The following FAT2 variants were observed in gnomAD, a reference collection of about 807,000 sequenced individuals.
FAT2 encodes the protein protocadherin Fat 2.
A neutral mutation model predicts 295.3 loss-of-function variants in FAT2; 150 were observed. That is an observed-to-expected ratio of 0.51 (90% confidence interval 0.44 to 0.58). The LOEUF is 0.58. Among genes scored for constraint, FAT2 ranks in the 20% least tolerant of loss-of-function variants. FAT2 has a pLI of 0.00. For synonymous variants in FAT2, 2,026 were observed against 2,150.3 expected (o/e 0.94, Z 1.60); for missense variants, 4,868 against 5,442.7 (o/e 0.89, Z 3.32).
chr5:151,558,348 G>T (rs1420811780), intron 3 of FAT2, among the ~76,000 whole-genome samples: 1 of 152,094 alleles, frequency 6.6e-6, no homozygotes, highest in Non-Finnish European at 1.5e-5. Flanking sequence ...GGGCACGGTG[G>T]CTCACACCTG....
chr5:151,511,934 TC>T, intron 21 of FAT2: 3 of 560,616 alleles, frequency 5.4e-6, no homozygotes, highest in Non-Finnish European at 9.6e-6. Context: ...CCCATTCATA[TC>T]CTCCCTCATC....
chr5:151,560,027 T>C (rs1029655622), intron 3 of FAT2, among the ~76,000 whole-genome samples: 3 of 152,168 alleles, frequency 2.0e-5, no homozygotes, highest in Non-Finnish European at 4.4e-5. Context: ...CTCAGACCCA[T>C]ATATGACCTT....
chr5:151,525,804 G>A lies in FAT2; in HGVS notation c.10470C>T (p.Ser3490=), dbSNP rs892151156. The change falls in exon 18 of 24, where the codon AGC becomes AGT. Residue 3490 remains serine, a synonymous_variant. Coordinates refer to ENST00000261800, the MANE Select transcript of FAT2 (RefSeq NM_001447.3). The part of the protein sequence containing the change: ...DGWLVTAEGL[S]RRAQEWYQLQ... ...GCTGATACCATTCCTGAGCCCTCCT[G>A]CTTAGGCCCTCAGCAGTCACCAGCC... 2 of 1,614,132 alleles carry A rather than the reference G, an allele frequency of 1.2e-6. No homozygotes were observed. Among genetic ancestry groups the A allele is most frequent in the Admixed American group, 3.3e-5 (2 of 60,012 alleles).
chr5:151,539,806 A>T (rs1755915114), intron 11 of FAT2, among the ~76,000 whole-genome samples: 1 of 152,218 alleles, frequency 6.6e-6, no homozygotes, highest in African/African-American at 2.4e-5. Flanking sequence ...ACACACATAC[A>T]CACCCCACTC....
chr5:151,538,774 T>G (rs1377289672), intron 11 of FAT2, among the ~76,000 whole-genome samples: 4 of 152,126 alleles, frequency 2.6e-5, no homozygotes, highest in African/African-American at 9.7e-5. Flanking sequence ...TCCTCCCAAA[T>G]TCAAACCATC....
chr5:151,551,976 GGTGTGTGTGTGTGT>G (rs56267278), intron 6 of FAT2, among the ~76,000 whole-genome samples: 6 of 143,558 alleles, frequency 4.2e-5, no homozygotes, highest in Admixed American at 7.0e-5. Flanking sequence ...TAACCCTAAG[GGTGTGTGTGTGTGT>G]GTGTGTGTGT....
At chr5:151,593,964 C>G (rs1414909991), upstream of FAT2, among the ~76,000 whole-genome samples, 1 of 152,148 alleles carries the variant, frequency 6.6e-6, no homozygotes, top group African/African-American at 2.4e-5. Flanking sequence ...GATCACGCCA[C>G]TGCACTCTAG....
chr5:151,566,155 A>C lies in FAT2; in HGVS notation c.2777T>G (p.Ile926Ser). ...EDVNDNSPQC[I>S]TEHNRLKVPE... is the part of the protein sequence containing the mutation. ...AACCTTCAGCCTGTTGTGTTCTGTG[A>C]TGCACTGGGGAGAGTTGTCGTTGAC... Residue 926 changes from isoleucine to serine, a missense_variant, in exon 2 of 24, where the codon ATC becomes AGC. This residue lies in a region of FAT2 where 3,297 missense variants were observed against 3,669.4 expected (regional missense o/e 0.90). Coordinates refer to ENST00000261800, the MANE Select transcript of FAT2 (RefSeq NM_001447.3). The C allele has an allele frequency of 6.2e-7, 1 of 1,614,084 alleles. No homozygotes were observed. Among genetic ancestry groups the C allele is most frequent in the Non-Finnish European group, 8.5e-7 (1 of 1,180,006 alleles).
chr5:151,567,506 T>C lies in FAT2; in HGVS notation c.1426A>G (p.Ser476Gly), dbSNP rs764153661. 4 of 1,614,160 alleles carry C rather than the reference T, an allele frequency of 2.5e-6. No homozygotes were observed. The highest frequency in any genetic ancestry group is 3.4e-6 in the Non-Finnish European group (4 of 1,180,016). Residue 476 changes from serine (S) to glycine (G), a missense_variant, in exon 2 of 24, where the codon AGT becomes GGT. Physicochemically the swap from Ser to Gly is moderately conservative, Grantham distance 56. Coordinates refer to ENST00000261800, the MANE Select transcript of FAT2 (RefSeq NM_001447.3). Reference protein sequence around the residue: ...TLDENIPPGTSVLAVTATDRD... With the variant: ...TLDENIPPGTGVLAVTATDRD... ...TCAGTGGCAGTCACAGCCAAAACAC[T>C]GGTGCCTGGAGGGATGTTCTCATCC... is the stretch of plus-strand genomic sequence containing the variant.
intron 1 of FAT2, among the ~76,000 whole-genome samples, chr5:151,583,961 G>A (rs1759064439): frequency 8.4e-6 from 1 of 119,654 alleles, no homozygotes; most frequent in Non-Finnish European, 1.6e-5. Flanking sequence ...TTGCACCACT[G>A]CACTCCAGCC....
intron 3 of FAT2, among the ~76,000 whole-genome samples, chr5:151,560,632 C>T (rs1224766255): frequency 6.6e-6 from 1 of 152,210 alleles, no homozygotes; most frequent in Non-Finnish European, 1.5e-5. Flanking sequence ...ACTGTATCTA[C>T]ACATAGTTTA....
rs1561848741 is a variant in FAT2, at chr5:151,542,764, C to T, written c.8363G>A (p.Gly2788Glu). Residue 2788 changes from glycine (G) to glutamate (E), a missense_variant, in exon 10 of 24, where the codon GGA becomes GAA. Transcript: ENST00000261800. ...TACAGGCCTATTGTCATTGACGTCT[C>T]CCACTTGGATGTTGACAGAGACCAA... is the stretch of plus-strand genomic sequence containing the variant. The part of the protein sequence containing the change: ...VSLVSVNIQV[G>E]DVNDNRPVFE... 1.2e-6 allele frequency: 2 copies of T among 1,614,220 alleles called. No individual in the cohort carries two copies. The highest frequency in any genetic ancestry group is 1.7e-6 in the Non-Finnish European group (2 of 1,180,042).
intron 20 of FAT2, 78 bp downstream of exon 20, chr5:151,517,542 G>T: frequency 6.4e-7 from 1 of 1,557,802 alleles, no homozygotes. Context: ...TGGGCTTCCT[G>T]ACATTCCTCA....
At chr5:151,516,022 C>T (rs1752831071) in intron 20 of FAT2, among the ~76,000 whole-genome samples, 1 of 152,304 alleles carries the variant, frequency 6.6e-6, no homozygotes, top group African/African-American at 2.4e-5. Flanking sequence ...TTCACTGGAG[C>T]CAGGTAGAAC....
At chr5:151,536,027 A>C (rs144169280) in intron 12 of FAT2, among the ~76,000 whole-genome samples, 1 of 152,320 alleles carries the variant, frequency 6.6e-6, no homozygotes, top group East Asian at 1.9e-4. Context: ...AGCAAGTTAC[A>C]AATAGTATTC....
chr5:151,558,943 CTT>C (rs1414467304), intron 3 of FAT2, among the ~76,000 whole-genome samples: 1 of 152,234 alleles, frequency 6.6e-6, no homozygotes, highest in Non-Finnish European at 1.5e-5. Flanking sequence ...TGGACGGTCT[CTT>C]GTAAATGAAA....
At chr5:151,525,284 A>G (rs1753871689) in intron 18 of FAT2, among the ~76,000 whole-genome samples, 1 of 152,196 alleles carries the variant, frequency 6.6e-6, no homozygotes, top group Non-Finnish European at 1.5e-5. Context: ...TATGAAACCC[A>G]TAACACCACC....
rs1753000495 is a variant in FAT2, at chr5:151,517,603, G to A, written c.11463+17C>T. On this transcript the variant is annotated intron_variant, in intron 20 of 23. Coordinates refer to ENST00000261800, the MANE Select transcript of FAT2 (RefSeq NM_001447.3). The stretch of plus-strand genomic sequence containing the variant: ...TGGGACACCCACATGAAATCTCTCA[G>A]GCTGGCAGTGCCTTACCTTCAGGGA... 1 of 1,613,590 alleles carries A rather than the reference G, an allele frequency of 6.2e-7. No homozygotes were observed. The highest frequency in any genetic ancestry group is 8.5e-7 in the Non-Finnish European group (1 of 1,179,956).
chr5:151,505,707 C>G lies in FAT2; in HGVS notation c.12908G>C (p.Ser4303Thr), dbSNP rs779021460. ...GACAGCATAAGAGGGCCCAGCTCGG[C>G]TGAGGCGCATACCCACCCCCTTGTA... ...GGYKGVGMRLSRAGPSYAVCE... is the reference protein window; with the variant it reads ...GGYKGVGMRLTRAGPSYAVCE... Residue 4303 changes from serine (S) to threonine (T), a missense_variant, in exon 24 of 24, where the codon AGC (serine) becomes ACC (threonine). This residue lies in a region of FAT2 where 492 missense variants were observed against 482.6 expected (regional missense o/e 1.02). Transcript: ENST00000261800. 1 of 1,614,048 alleles carries G rather than the reference C, an allele frequency of 6.2e-7. No homozygotes were observed. Among genetic ancestry groups the G allele is most frequent in the East Asian group, 2.2e-5 (1 of 44,866 alleles).
Sources: gnomAD v4.1 joint callset for allele counts (sites outside exome capture counted in the v4.1 genomes callset) on GRCh38, gnomAD v4.1.1 for gene constraint, gnomAD v4.1.1 regional missense constraint, MANE v1.5 for transcripts, NCBI Gene and HGNC (gene_info 2026-07-23, HGNC 2026-07-21) for gene names.